SORL1: variants seen among roughly 807,000 people sequenced by gnomAD.
SORL1 encodes sortilin-related receptor.
In SORL1, 127 loss-of-function variants were observed where a neutral mutation model predicts 273.7. The ratio of observed to expected loss-of-function variants is 0.46; its 90% confidence interval spans 0.40 to 0.54. SORL1 has a LOEUF of 0.54. Among genes scored for constraint, SORL1 ranks in the 20% least tolerant of loss-of-function variants. SORL1 has a pLI of 0.00. For synonymous variants in SORL1, 1,031 were observed against 1,067.4 expected (o/e 0.97, Z 0.66); for missense variants, 2,494 against 2,846.1 (o/e 0.88, Z 2.81).
chr11:121,524,045 A>G (rs1269453267), intron 11 of SORL1, among the ~76,000 whole-genome samples: 3 of 152,214 alleles, frequency 2.0e-5, no homozygotes, highest in African/African-American at 4.8e-5. Context: ...TGAGGCTCAG[A>G]CACTGTGTAC....
rs1232985005 is a variant in SORL1 at position 121,558,647 on chromosome 11, T to C, written c.2720T>C (p.Met907Thr). 1 of 1,613,930 alleles carries C rather than the reference T, an allele frequency of 6.2e-7. No homozygotes were observed. The highest frequency in any genetic ancestry group is 8.5e-7 in the Non-Finnish European group (1 of 1,180,016). ...DLKPGIYRSNMDGSAAYHLVS... is the reference protein window; with the variant it reads ...DLKPGIYRSNTDGSAAYHLVS... ...AAGCCTGGGATTTATCGGAGCAATA[T>C]GGATGGTTCTGCTGCCTATCACCTG... is the stretch of plus-strand genomic sequence containing the variant. Residue 907 changes from methionine (M) to threonine (T), a missense_variant, in exon 20 of 48, where the codon ATG becomes ACG. Coordinates refer to ENST00000260197, the MANE Select transcript of SORL1 (RefSeq NM_003105.6).
At chr11:121,574,644 A>G (rs1482664070) in intron 24 of SORL1, among the ~76,000 whole-genome samples, 1 of 152,128 alleles carries the variant, frequency 6.6e-6, no homozygotes, top group Non-Finnish European at 1.5e-5. Context: ...CTAGATTCCC[A>G]TTAACTCTGG....
chr11:121,580,172 C>T (rs1053619074), intron 25 of SORL1, among the ~76,000 whole-genome samples: 17 of 152,138 alleles, frequency 1.1e-4, no homozygotes, highest in South Asian at 8.3e-4. Flanking sequence ...GAGAATTTTT[C>T]GAAAGACAAC....
chr11:121,548,840 T>A (rs1862469046), intron 14 of SORL1, among the ~76,000 whole-genome samples: 1 of 152,146 alleles, frequency 6.6e-6, no homozygotes, highest in Non-Finnish European at 1.5e-5. Context: ...ATGCTGGGAT[T>A]ACAGGCGTGA....
intron 40 of SORL1, 61 bp from the exon 41 acceptor site, chr11:121,614,810 G>T: frequency 2.2e-6 from 3 of 1,382,032 alleles, no homozygotes; most frequent in Non-Finnish European, 3.1e-6. Context: ...CATGTACCAA[G>T]ACACGTTCTT....
intron 12 of SORL1, among the ~76,000 whole-genome samples, chr11:121,540,062 A>C (rs1382088534): frequency 6.6e-6 from 1 of 152,224 alleles, no homozygotes; most frequent in African/African-American, 2.4e-5. Context: ...TGAGAATTAC[A>C]GCTGGAATTA....
chr11:121,502,168 C>T (rs1464966706), intron 6 of SORL1, among the ~76,000 whole-genome samples: 7 of 117,416 alleles, frequency 6.0e-5, no homozygotes, highest in Non-Finnish European at 1.2e-4. Context: ...TGGAGTCTCA[C>T]TCTGTCGCTC....
intron 6 of SORL1, among the ~76,000 whole-genome samples, chr11:121,508,703 TGG>T (rs1196506994): frequency 6.6e-6 from 1 of 152,140 alleles, no homozygotes; most frequent in Non-Finnish European, 1.5e-5. Context: ...GAGAGGGGGA[TGG>T]GATTAGGGCA....
At chr11:121,613,712 G>A (rs923860988) in intron 40 of SORL1, among the ~76,000 whole-genome samples, 2 of 152,194 alleles carry the variant, frequency 1.3e-5, no homozygotes, top group African/African-American at 4.8e-5. Context: ...AGGCAAAACT[G>A]AAGTTGAAAG....
rs1861157018 is a variant in SORL1, at chr11:121,470,857, T to C, written c.402+734T>C. On this transcript the variant is annotated intron_variant, in intron 2 of 47. Transcript: ENST00000260197. ...CATGGCTGGCTAATTTTTGTGCTTA[T>C]ATATATTTTTTGGTAGAGATGGGGT... is the stretch of plus-strand genomic sequence containing the variant. Among the ~76,000 whole-genome samples the C allele has an allele frequency of 2.6e-5, 4 of 152,124 alleles. No individual in the cohort carries two copies. The South Asian group carries it at 8.3e-4, about 31-fold the overall frequency.
intron 3 of SORL1, among the ~76,000 whole-genome samples, chr11:121,482,861 T>C (rs549632702): frequency 5.6e-4 from 86 of 152,346 alleles, no homozygotes; most frequent in Non-Finnish European, 1.8e-4. Context: ...TAGCGCGGCA[T>C]CCAGTTCCAG....
intron 5 of SORL1, among the ~76,000 whole-genome samples, chr11:121,496,243 A>G (rs1020943801): frequency 6.6e-6 from 1 of 152,232 alleles, no homozygotes; most frequent in Non-Finnish European, 1.5e-5. Flanking sequence ...GGTGTTTGCA[A>G]AAGCACAGTG....
chr11:121,478,273 A>G, intron 3 of SORL1, 30 bp downstream of exon 3: 3 of 1,605,158 alleles, frequency 1.9e-6, no homozygotes, highest in Non-Finnish European at 2.6e-6. Context: ...TCCTGTCCCG[A>G]CTTCATGGGA....
chr11:121,629,008 T>A (rs917707082), intron 47 of SORL1: 1 of 155,468 alleles, frequency 6.4e-6, no homozygotes, highest in African/African-American at 2.4e-5. Flanking sequence ...CCACACTTGG[T>A]GACACAGGAT....
At position 121,606,928 on chromosome 11, in the gene SORL1, C is replaced by G; in HGVS notation, c.5032C>G (p.His1678Asp). ...TGTAGGCCACTGGGCTCCTCCCATCCACACCCATGGCCTCATCCGTGAGTA... is the reference window on the plus strand; with the variant it reads ...TGTAGGCCACTGGGCTCCTCCCATCGACACCCATGGCCTCATCCGTGAGTA... ...VIVGHWAPPI[H>D]THGLIREYIV... The change falls in exon 36 of 48, where the codon CAC (histidine) becomes GAC (aspartate). Residue 1678 changes from histidine to aspartate, a missense_variant. Physicochemically the swap from His to Asp is moderately conservative, Grantham distance 81. This residue lies in a region of SORL1 where 1,609 missense variants were observed against 1,816.4 expected (regional missense o/e 0.89). Transcript: ENST00000260197. 6.2e-7 allele frequency: 1 copy of G among 1,613,804 alleles called. No individual in the cohort carries two copies. Among genetic ancestry groups the G allele is most frequent in the South Asian group, 1.1e-5 (1 of 91,080 alleles).
intron 3 of SORL1, among the ~76,000 whole-genome samples, chr11:121,482,062 G>A (rs1297322198): frequency 1.3e-5 from 2 of 152,206 alleles, no homozygotes; most frequent in Admixed American, 1.3e-4. Context: ...CTTTCTGCTT[G>A]TTGTGGGTTG....
At chr11:121,482,094 A>G (rs1423502133) in intron 3 of SORL1, among the ~76,000 whole-genome samples, 2 of 152,182 alleles carry the variant, frequency 1.3e-5, no homozygotes, top group African/African-American at 4.8e-5. Context: ...TGCTAAGGCC[A>G]CAAGTCTGAA....
In SORL1 at chr11:121,616,132, T is replaced by C. The variant is rs923472530; in HGVS notation, c.5604+1077T>C. 2.0e-5 allele frequency among the ~76,000 whole-genome samples: 3 copies of C among 152,296 alleles called. No homozygotes were observed. In the East Asian group the frequency reaches 5.8e-4, roughly 29 times the overall value. ...AAAGAACCCTTTCTTTCCATTTATA[T>C]ACCTGGCAGCACATGACCGCCTCAT... On this transcript the variant is annotated intron_variant, in intron 41 of 47. Transcript: ENST00000260197.
intron 3 of SORL1, among the ~76,000 whole-genome samples, chr11:121,480,343 TATC>T (rs1223566623): frequency 1.3e-5 from 2 of 152,142 alleles, no homozygotes; most frequent in Admixed American, 6.5e-5. Context: ...AATCAAATAT[TATC>T]ATAAGTAATG....
Sources: allele counts gnomAD v4.1 joint callset (sites outside exome capture counted in the v4.1 genomes callset), GRCh38; gene constraint gnomAD v4.1.1; regional missense constraint gnomAD v4.1.1; transcripts MANE v1.5; gene names NCBI Gene and HGNC (gene_info 2026-07-23, HGNC 2026-07-21).